TPRA1: variants seen among roughly 807,000 people sequenced by gnomAD.
TPRA1 encodes transmembrane protein adipocyte associated 1.
Under a neutral mutation model 40.1 loss-of-function variants are expected in TPRA1, and 28 were observed. The observed-to-expected ratio is 0.70, with a 90% CI of 0.52 to 0.96. The LOEUF (loss-of-function observed/expected upper bound fraction) is 0.96, where lower values mean the gene tolerates loss of function less well. Ranked by LOEUF, TPRA1 falls within the 40% of genes least tolerant of loss-of-function variation. TPRA1 has a pLI of 0.00. For synonymous variants in TPRA1, 219 were observed against 209.7 expected (o/e 1.04, Z -0.38); for missense variants, 441 against 482.6 (o/e 0.91, Z 0.81).
At position 127,573,528 on chromosome 3, in the gene TPRA1, T is replaced by C. The variant is rs956271064; in HGVS notation, c.1115A>G (p.Asn372Ser). 4 of 1,611,066 alleles carry C rather than the reference T, an allele frequency of 2.5e-6. No individual in the cohort carries two copies. In the African/African-American group the frequency reaches 4.0e-5, roughly 16 times the overall value. Reference sequence around the variant, plus strand: ...AGGCCCTGGCAGCTGCCCTCAGGCATTGATGGCCTTCCAGCGCTCGCTGTC... The same window carrying C: ...AGGCCCTGGCAGCTGCCCTCAGGCACTGATGGCCTTCCAGCGCTCGCTGTC... ...STDSERWKAINA is the reference protein window; with the variant it reads ...STDSERWKAISA The change falls in exon 11 of 11, where the codon AAT (asparagine) becomes AGT (serine). Residue 372 changes from asparagine (N) to serine (S), a missense_variant. Transcript: ENST00000355552.
chr3:127,589,387 T>C (rs902660287), intron 1 of TPRA1, among the ~76,000 whole-genome samples: 1 of 149,038 alleles, frequency 6.7e-6, no homozygotes, highest in East Asian at 2.1e-4. Context: ...CACCGACGGG[T>C]TGTTGAGCTT....
chr3:127,574,945 C>T (rs981291280), intron 10 of TPRA1: 7 of 570,916 alleles, frequency 1.2e-5, no homozygotes, highest in African/African-American at 9.4e-5. Flanking sequence ...TGCATGTGTG[C>T]ATGCTTGTGC....
At chr3:127,585,840 T>A (rs931182987) in intron 1 of TPRA1, among the ~76,000 whole-genome samples, 4 of 152,312 alleles carry the variant, frequency 2.6e-5, no homozygotes, top group African/African-American at 9.6e-5. Flanking sequence ...TCTCCATTAA[T>A]TTCAGCCAAT....
chr3:127,593,134 A>G (rs1435153525), upstream of TPRA1, among the ~76,000 whole-genome samples: 1 of 152,262 alleles, frequency 6.6e-6, no homozygotes, highest in Non-Finnish European at 1.5e-5. Context: ...AACCAAAGGT[A>G]TCTGCCTTTG....
chr3:127,596,429 G>C (rs1270895795), intron 1 of TPRA1, among the ~76,000 whole-genome samples: 2 of 152,212 alleles, frequency 1.3e-5, no homozygotes, highest in Non-Finnish European at 2.9e-5. Flanking sequence ...CCCATGCAGA[G>C]TCTCTTCAGC....
intron 1 of TPRA1, among the ~76,000 whole-genome samples, chr3:127,581,912 AC>A (rs1290266158): frequency 6.9e-6 from 1 of 145,056 alleles, no homozygotes; most frequent in African/African-American, 2.6e-5. Flanking sequence ...ACAGAGCGAG[AC>A]TCCATCTCAA....
Position 127,597,942 on chromosome 3 carries a change from G to A in TPRA1, c.-391+65C>T, listed in dbSNP as rs539905180. On this transcript the variant is annotated intron_variant, in intron 1 of 3. Coordinates refer to the TPRA1 transcript ENST00000462228. ...TCTGCCTCAGCCTCCCGAGTAGCTG[G>A]GATTACAGGCCCGTGCCACCATGCC... 3.8e-4 allele frequency: 66 copies of A among 174,370 alleles called. 2 individuals carry two copies. The South Asian group carries it at 5.0e-3, about 13-fold the overall frequency. The allele number at this position is 174,370 out of a possible 1,614,324, so 10.8% of individuals were successfully genotyped here. A position where few individuals can be genotyped will look rare whatever the true frequency, so the allele number is the denominator to read the frequency against.
At position 127,589,420 on chromosome 3, in the gene TPRA1, G is replaced by T. The variant is rs370888520; in HGVS notation, c.-18+990C>A. Among the ~76,000 whole-genome samples the T allele has an allele frequency of 2.0e-3, 308 of 152,246 alleles. 4 individuals are homozygous for T. The highest frequency in any genetic ancestry group is 0.017 in the South Asian group (84 of 4,820). ...CTTACAAACCCTAGGGCCTAAGGGT[G>T]GTGAGAAGGGGTGGAGCCCAGGGGT... On this transcript the variant is annotated intron_variant, in intron 1 of 10. Transcript: ENST00000355552.
At chr3:127,582,461 G>A (rs1261913968) in intron 1 of TPRA1, among the ~76,000 whole-genome samples, 7 of 152,168 alleles carry the variant, frequency 4.6e-5, no homozygotes, top group African/African-American at 1.4e-4. Flanking sequence ...AGCACTTTGG[G>A]AGGCCAAGGC....
upstream of TPRA1, among the ~76,000 whole-genome samples, chr3:127,593,577 G>A (rs761496217): frequency 1.9e-4 from 29 of 151,890 alleles, no homozygotes; most frequent in African/African-American, 5.1e-4. Flanking sequence ...CACCCACCCC[G>A]GCCAAGAGAG....
chr3:127,583,020 C>G (rs2073880823), intron 1 of TPRA1, among the ~76,000 whole-genome samples: 1 of 151,054 alleles, frequency 6.6e-6, no homozygotes, highest in South Asian at 2.1e-4. Context: ...GTGGCACATG[C>G]CTGTAATCCC....
At chr3:127,592,606 C>T (rs188980222), upstream of TPRA1, among the ~76,000 whole-genome samples, 1,140 of 151,650 alleles carry the variant, frequency 7.5e-3, 14 homozygotes, top group Middle Eastern at 0.017. Context: ...AGGATGGTCT[C>T]GATCTCCTGA....
At chr3:127,579,622 T>G in intron 3 of TPRA1, 118 bp downstream of exon 3, 3 of 1,145,650 alleles carry the variant, frequency 2.6e-6, no homozygotes, top group Non-Finnish European at 3.7e-6. Flanking sequence ...CCTAACGATA[T>G]CATTTAACTG....
At chr3:127,577,491 A>G (rs1576371947) in intron 3 of TPRA1, among the ~76,000 whole-genome samples, 1 of 152,176 alleles carries the variant, frequency 6.6e-6, no homozygotes, top group Non-Finnish European at 1.5e-5. Flanking sequence ...TGTTGGGTCA[A>G]ATGGATTAAC....
intron 3 of TPRA1, among the ~76,000 whole-genome samples, chr3:127,579,014 G>C (rs1339864125): frequency 6.7e-6 from 1 of 149,664 alleles, no homozygotes; most frequent in Non-Finnish European, 1.5e-5. Flanking sequence ...CCCACACCTG[G>C]ACAGCCCACA....
chr3:127,588,346 G>A (rs2074063019), intron 1 of TPRA1, among the ~76,000 whole-genome samples: 1 of 152,192 alleles, frequency 6.6e-6, no homozygotes, highest in Non-Finnish European at 1.5e-5. Flanking sequence ...AACCACACTG[G>A]GGTTATGGGG....
Position 127,575,178 on chromosome 3 carries a change from G to T in TPRA1, c.854+7C>A. 1 of 1,613,514 alleles carries T rather than the reference G, an allele frequency of 6.2e-7. No individual in the cohort carries two copies. Among genetic ancestry groups the T allele is most frequent in the South Asian group, 1.1e-5 (1 of 91,052 alleles). On this transcript the variant is annotated splice_region_variant and intron_variant, in intron 10 of 10. Transcript: ENST00000355552. ...CCACGCGGGGGCGCCGGCGGCCACA[G>T]ACTCACCCGAAGAAGCCCCGGAGGA...
At chr3:127,581,961 G>A (rs989943107) in intron 1 of TPRA1, among the ~76,000 whole-genome samples, 2 of 150,914 alleles carry the variant, frequency 1.3e-5, no homozygotes, top group African/African-American at 2.4e-5. Context: ...GATTTGTCCC[G>A]ACAACACATC....
upstream of TPRA1, among the ~76,000 whole-genome samples, chr3:127,593,576 C>T (rs763649815): frequency 2.6e-5 from 4 of 152,120 alleles, no homozygotes; most frequent in South Asian, 2.1e-4. Context: ...CCACCCACCC[C>T]GGCCAAGAGA....
Sources: gnomAD v4.1 joint callset for allele counts (sites outside exome capture counted in the v4.1 genomes callset) on GRCh38, gnomAD v4.1.1 for gene constraint, MANE v1.5 for transcripts, NCBI Gene and HGNC (gene_info 2026-07-23, HGNC 2026-07-21) for gene names.